ANO4: variants seen among roughly 807,000 people sequenced by gnomAD.
ANO4 encodes anoctamin 4, also known as anoctamin-4.
ANO4 carries 69 observed loss-of-function variants against 141.9 expected under a neutral mutation model. The ratio of observed to expected loss-of-function variants is 0.49; its 90% CI spans 0.40 to 0.59. The LOEUF is 0.59. ANO4 is among the 20% of genes least tolerant of loss of function. The probability of loss-of-function intolerance (pLI) is 0.00; values close to 1 mark genes in which losing one functional copy is unlikely to be tolerated. For missense variants in ANO4, 894 were observed against 1,162.2 expected (o/e 0.77, Z 3.36); for synonymous variants, 350 against 394.3 (o/e 0.89, Z 1.33).
At chr12:100,904,527 T>C (rs1377578554) in intron 2 of ANO4, among the ~76,000 whole-genome samples, 1 of 152,100 alleles carries the variant, frequency 6.6e-6, no homozygotes, top group African/African-American at 2.4e-5. Flanking sequence ...TCTGAGCAAC[T>C]TCATTCCAGC....
intron 3 of ANO4, among the ~76,000 whole-genome samples, chr12:100,746,483 C>T (rs887619948): frequency 1.6e-4 from 22 of 138,978 alleles, no homozygotes; most frequent in African/African-American, 2.8e-4. Flanking sequence ...CTAGAAGAAA[C>T]GATGAAATAA....
intron 1 of ANO4, chr12:100,733,748 C>T (rs1016260430): frequency 2.9e-6 from 2 of 694,950 alleles, no homozygotes; most frequent in Non-Finnish European, 5.2e-6. Context: ...TATAATTAAC[C>T]TTCTTGTCTT....
At chr12:100,806,374 A>G (rs1302845789) in intron 1 of ANO4, among the ~76,000 whole-genome samples, 1 of 152,044 alleles carries the variant, frequency 6.6e-6, no homozygotes, top group East Asian at 1.9e-4. Flanking sequence ...GGTGAAAAGT[A>G]GCATCTTATA....
chr12:100,860,011 A>G (rs573759485), intron 1 of ANO4, among the ~76,000 whole-genome samples: 1 of 152,308 alleles, frequency 6.6e-6, no homozygotes, highest in African/African-American at 2.4e-5. Context: ...TGCATTTTCA[A>G]CATTTCAACC....
chr12:100,736,412 C>T (rs2031617814), intron 2 of ANO4, among the ~76,000 whole-genome samples: 2 of 152,034 alleles, frequency 1.3e-5, no homozygotes, highest in Admixed American at 1.3e-4. Context: ...GATGGAGTCC[C>T]TGAGAGGGTA....
intron 6 of ANO4, among the ~76,000 whole-genome samples, chr12:100,971,866 CAAAA>C (rs1246833233): frequency 1.4e-5 from 2 of 146,536 alleles, no homozygotes; most frequent in Non-Finnish European, 3.0e-5. Flanking sequence ...AAAAAAAAAA[CAAAA>C]AAAACCACTT....
chr12:101,043,443 C>G, intron 12 of ANO4, 96 bp from the exon 13 acceptor site: 1 of 833,728 alleles, frequency 1.2e-6, no homozygotes, highest in Non-Finnish European at 2.0e-6. Context: ...AAACATTTAA[C>G]CTACTGGATC....
chr12:101,010,009 C>T (rs1013668580), intron 8 of ANO4, among the ~76,000 whole-genome samples: 1 of 152,012 alleles, frequency 6.6e-6, no homozygotes, highest in South Asian at 2.1e-4. Context: ...TCTGGGATTT[C>T]GTAGTATAAA....
chr12:100,794,520 A>T (rs1457931395), upstream of ANO4: 27 of 152,278 alleles, frequency 1.8e-4, no homozygotes, highest in Admixed American at 1.8e-3. Flanking sequence ...ACTGGCTGTC[A>T]TCTGCTGCTC....
chr12:100,883,817 G>C (rs916002709), intron 1 of ANO4, among the ~76,000 whole-genome samples: 1 of 152,210 alleles, frequency 6.6e-6, no homozygotes, highest in African/African-American at 2.4e-5. Context: ...ACGTGGATAT[G>C]TGCCTTGTTT....
chr12:100,911,377 T>TA (rs965655788), intron 2 of ANO4, among the ~76,000 whole-genome samples: 13 of 152,150 alleles, frequency 8.5e-5, no homozygotes, highest in African/African-American at 3.1e-4. Flanking sequence ...CAAATTATCA[T>TA]AAAAAAGCCT....
At chr12:100,924,205 T>G in intron 3 of ANO4, among the ~76,000 whole-genome samples, 1 of 152,212 alleles carries the variant, frequency 6.6e-6, no homozygotes, top group Non-Finnish European at 1.5e-5. Context: ...AGTCATGAAG[T>G]CCTTGCCCAT....
chr12:100,959,528 C>T (rs552942947), intron 5 of ANO4, among the ~76,000 whole-genome samples: 90 of 152,296 alleles, frequency 5.9e-4, no homozygotes, highest in Middle Eastern at 3.4e-3. Flanking sequence ...TTTCAAACTT[C>T]TCAGTTTGGG....
intron 1 of ANO4, among the ~76,000 whole-genome samples, chr12:100,855,302 G>A (rs1034837740): frequency 1.3e-5 from 2 of 151,648 alleles, no homozygotes; most frequent in African/African-American, 2.4e-5. Context: ...TTAATTATTA[G>A]TTACTAAAAC....
intron 3 of ANO4, among the ~76,000 whole-genome samples, chr12:100,751,712 T>C (rs1268794284): frequency 6.6e-6 from 1 of 152,004 alleles, no homozygotes; most frequent in East Asian, 1.9e-4. Context: ...CAGACAAGGC[T>C]CCTTTCTTAT....
intron 3 of ANO4, among the ~76,000 whole-genome samples, chr12:100,765,724 T>A (rs117233293): frequency 0.023 from 3,502 of 151,548 alleles, 90 homozygotes; most frequent in Admixed American, 0.074. Context: ...GATTGATCTT[T>A]TCTATTTTTA....
At chr12:101,089,227 G>A (rs2049640038) in intron 17 of ANO4, among the ~76,000 whole-genome samples, 1 of 151,930 alleles carries the variant, frequency 6.6e-6, no homozygotes, top group South Asian at 2.1e-4. Flanking sequence ...CAATAACAAA[G>A]AACTTAATTT....
At chr12:101,023,427 T>A (rs1242394268) in intron 9 of ANO4, among the ~76,000 whole-genome samples, 1 of 152,106 alleles carries the variant, frequency 6.6e-6, no homozygotes, top group Non-Finnish European at 1.5e-5. Context: ...TCCCAGAACT[T>A]TGGGAGGCTG....
At chr12:100,778,911 C>G (rs1367305019) in intron 3 of ANO4, among the ~76,000 whole-genome samples, 3 of 152,148 alleles carry the variant, frequency 2.0e-5, no homozygotes, top group Admixed American at 2.0e-4. Flanking sequence ...GCTTCACTAA[C>G]ACACTCATAT....
Sources: gnomAD v4.1 joint callset for allele counts (sites outside exome capture counted in the v4.1 genomes callset) on GRCh38, gnomAD v4.1.1 for gene constraint, MANE v1.5 for transcripts, NCBI Gene and HGNC (gene_info 2026-07-23, HGNC 2026-07-21) for gene names.